The following INTS2 variants were observed in gnomAD, a reference collection of about 807,000 sequenced individuals.
INTS2 encodes integrator complex subunit 2, also known as KIAA1287.
Under a neutral mutation model 139.6 loss-of-function variants are expected in INTS2, and 57 were observed. The observed-to-expected ratio is 0.41, with a 90% CI of 0.33 to 0.51. The LOEUF (loss-of-function observed/expected upper bound fraction) is 0.51. Ranked by LOEUF, INTS2 falls within the 20% of genes least tolerant of loss-of-function variation. INTS2 has a pLI of 0.28. For missense variants in INTS2, 1,196 were observed against 1,436.7 expected, an observed-to-expected ratio of 0.83 and a Z score of 2.71; for synonymous variants, 473 against 493.4, an observed-to-expected ratio of 0.96 and a Z score of 0.55.
Position 61,897,374 on chromosome 17 carries a change from A to C in INTS2, c.1494+95T>G. ...GATAAAACTTCTATTAAACAATTAA[A>C]ATTACTTAAATGAAAACAATCTATT... On this transcript the variant is annotated intron_variant, in intron 11 of 24. Coordinates refer to ENST00000251334, the MANE Select transcript of INTS2 (RefSeq NM_001351695.2). The surrounding 1 kb of genome is among the most constrained non-coding windows in gnomAD (Gnocchi z 4.4). 1.5e-6 allele frequency: 1 copy of C among 688,084 alleles called. No individual in the cohort carries two copies. The highest frequency in any genetic ancestry group is 2.3e-6 in the Non-Finnish European group (1 of 428,742). The allele number at this position is 688,084 out of a possible 1,614,324, so 42.6% of individuals were successfully genotyped here. A position where few individuals can be genotyped will look rare whatever the true frequency, so the allele number is the denominator to read the frequency against.
chr17:61,885,454 G>C (rs1209221356), intron 15 of INTS2, among the ~76,000 whole-genome samples: 1 of 115,358 alleles, frequency 8.7e-6, no homozygotes, highest in African/African-American at 3.8e-5. Flanking sequence ...CACTCTTTTT[G>C]CCCAGGCTAG....
At position 61,926,484 on chromosome 17, in the gene INTS2, T is replaced by C. The variant is rs772572350; in HGVS notation, c.161A>G (p.Gln54Arg). 3.7e-6 allele frequency: 6 copies of C among 1,613,914 alleles called. No individual in the cohort carries two copies. The Admixed American group carries it at 1.0e-4, about 27-fold the overall frequency. The change falls in exon 2 of 25, where the codon CAA (glutamine) becomes CGA (arginine). Residue 54 changes from glutamine (Q) to arginine (R), a missense_variant. Physicochemically the swap from Gln to Arg is conservative, Grantham distance 43. Transcript: ENST00000251334. ...MALCAPADQS[Q>R]SWAQDKKLIL... ...GAGTTTCTTATCCTGAGCCCAGCTTTGGCTCTGGTCAGCAGGTGCACAAAG... is the reference window on the plus strand; with the variant it reads ...GAGTTTCTTATCCTGAGCCCAGCTTCGGCTCTGGTCAGCAGGTGCACAAAG...
At chr17:61,918,977 T>G (rs1163412138) in intron 5 of INTS2, among the ~76,000 whole-genome samples, 1 of 145,296 alleles carries the variant, frequency 6.9e-6, no homozygotes, top group African/African-American at 2.6e-5. Flanking sequence ...CAGGCCGGAG[T>G]GCAGTGGTGC....
intron 15 of INTS2, among the ~76,000 whole-genome samples, chr17:61,885,717 C>CGCCTGT (rs1567895914): frequency 2.0e-4 from 29 of 141,926 alleles, no homozygotes; most frequent in African/African-American, 7.4e-4. Flanking sequence ...TCACTGGGCC[C>CGCCTGT]GGCCAATTTT....
chr17:61,900,856 G>A (rs1270003047), intron 9 of INTS2, among the ~76,000 whole-genome samples: 1 of 152,128 alleles, frequency 6.6e-6, no homozygotes, highest in Admixed American at 6.6e-5. Context: ...TACTCGGGAG[G>A]CTAACACAGG....
At chr17:61,915,297 C>T (rs1296753278) in intron 5 of INTS2, among the ~76,000 whole-genome samples, 1 of 151,696 alleles carries the variant, frequency 6.6e-6, no homozygotes, top group East Asian at 2.0e-4. Flanking sequence ...GAGATCACTC[C>T]ACTGCACTCC....
chr17:61,908,252 T>C (rs1249357154), intron 7 of INTS2, among the ~76,000 whole-genome samples: 1 of 152,022 alleles, frequency 6.6e-6, no homozygotes, highest in Non-Finnish European at 1.5e-5. Context: ...CCATCTCTAC[T>C]AAAAATATAA....
At chr17:61,923,686 G>A (rs59080342) in intron 3 of INTS2, among the ~76,000 whole-genome samples, 2 of 151,794 alleles carry the variant, frequency 1.3e-5, no homozygotes, top group Non-Finnish European at 2.9e-5. Flanking sequence ...TGGTGGTGGT[G>A]GTTGTTGTTT....
chr17:61,883,001 CTG>C lies in INTS2; in HGVS notation c.2090-1832_2090-1831del, dbSNP rs1187849827. ...TAGAAACAGCTTAAAATTGATGTTT[CTG>C]TGTTTGAAAAGACATCGTAACAATC... is the stretch of plus-strand genomic sequence containing the variant. On this transcript the variant is annotated intron_variant, in intron 16 of 24. Transcript: ENST00000251334. Among the ~76,000 whole-genome samples the C allele has an allele frequency of 2.6e-5, 4 of 152,076 alleles. No individual in the cohort carries two copies. The East Asian group carries it at 7.7e-4, about 29-fold the overall frequency.
In INTS2 at chr17:61,907,754, G is replaced by T. The variant is rs772446016; in HGVS notation, c.955-120C>A. ...AATTGGCCTATTTGAAGAGATTGTC[G>T]TGACTACAGAATCTCATTTTAACCA... On this transcript the variant is annotated intron_variant, in intron 7 of 24. Transcript: ENST00000251334. 17 of 709,268 alleles carry T rather than the reference G, an allele frequency of 2.4e-5. No individual in the cohort carries two copies. The East Asian group carries it at 4.3e-4, about 18-fold the overall frequency. 43.9% of individuals were successfully genotyped at this position (709,268 alleles called of 1,614,324 possible).
At chr17:61,889,373 C>T (rs948591230) in intron 15 of INTS2, among the ~76,000 whole-genome samples, 2 of 152,180 alleles carry the variant, frequency 1.3e-5, no homozygotes, top group Non-Finnish European at 2.9e-5. Flanking sequence ...AGGCGTAAGC[C>T]ACCTCGACTG....
At chr17:61,908,575 T>TATGAAAGC (rs1325048382) in intron 7 of INTS2, among the ~76,000 whole-genome samples, 3 of 152,210 alleles carry the variant, frequency 2.0e-5, no homozygotes, top group African/African-American at 4.8e-5. Context: ...ATAATACATG[T>TATGAAAGC]ATGAAAGCAG....
Position 61,897,587 on chromosome 17 carries a change from T to A in INTS2, c.1380-4A>T. 1.3e-6 allele frequency: 2 copies of A among 1,594,668 alleles called. No homozygotes were observed. The highest frequency in any genetic ancestry group is 1.7e-6 in the Non-Finnish European group (2 of 1,169,242). ...AGAAGCAGAGACGCCTGAAGTACTG[T>A]CAAAACAAAATAGGAAATATGAATT... On this transcript the variant is annotated splice_region_variant and splice_polypyrimidine_tract_variant and intron_variant, in intron 10 of 24. Transcript: ENST00000251334. This position sits in a 1 kb window ranked among gnomAD's most constrained non-coding sequence, Gnocchi z 4.4.
At chr17:61,920,212 G>A (rs920631102) in intron 4 of INTS2, among the ~76,000 whole-genome samples, 24 of 125,548 alleles carry the variant, frequency 1.9e-4, no homozygotes, top group Admixed American at 6.4e-4. Flanking sequence ...ACGAAGTCTC[G>A]CTTTTGTCCC....
chr17:61,912,151 G>C lies in INTS2; in HGVS notation c.650-81C>G. On this transcript the variant is annotated intron_variant, in intron 5 of 24. Transcript: ENST00000251334. Reference sequence around the variant, plus strand: ...TTCACATGACAGAAGAAAAGGATCAGGGTATTTGAAAGCACAACAACAGAA... The same window carrying C: ...TTCACATGACAGAAGAAAAGGATCACGGTATTTGAAAGCACAACAACAGAA... The C allele has an allele frequency of 2.1e-6, 3 of 1,450,782 alleles. No homozygotes were observed. In the South Asian group the frequency reaches 3.9e-5, roughly 19 times the overall value. 89.9% of individuals were successfully genotyped at this position (1,450,782 alleles called of 1,614,324 possible). A position where few individuals can be genotyped will look rare whatever the true frequency, so the allele number is the denominator to read the frequency against.
In INTS2 at chr17:61,867,971, T is replaced by C. The variant is rs758271364; in HGVS notation, c.3283A>G (p.Thr1095Ala). Residue 1095 changes from threonine (T) to alanine (A), a missense_variant, in exon 24 of 25, where the codon ACT (threonine) becomes GCT (alanine). Physicochemically the swap from Thr to Ala is moderately conservative, Grantham distance 58 (BLOSUM62 0). Around this residue, in one of 3 missense-constraint regions of INTS2, gnomAD observed 1,129 missense variants for 1,341.9 expected, o/e 0.84. Coordinates refer to ENST00000251334, the MANE Select transcript of INTS2 (RefSeq NM_001351695.2). The surrounding 1 kb of genome is among the most constrained non-coding windows in gnomAD (Gnocchi z 5.6). ...QAKRYAFFMP[T>A]LPSLVSFCRA... ...CAAAAAGAGACCAAACTTGGCAGAG[T>C]TGGCATAAAAAAAGCATACCGCTTA... 2.5e-6 allele frequency: 4 copies of C among 1,606,236 alleles called. No individual in the cohort carries two copies. The highest frequency in any genetic ancestry group is 3.4e-6 in the Non-Finnish European group (4 of 1,177,868).
chr17:61,891,471 A>G, intron 14 of INTS2, 42 bp downstream of exon 14: 1 of 1,455,378 alleles, frequency 6.9e-7, no homozygotes, highest in Non-Finnish European at 9.5e-7. Flanking sequence ...GAAGAACTAA[A>G]AGAAAAATAA....
Position 61,897,290 on chromosome 17 carries a change from A to G in INTS2, c.1494+179T>C, listed in dbSNP as rs11658522. Among the ~76,000 whole-genome samples, 24,622 of 152,108 alleles carry G rather than the reference A, an allele frequency of 0.16. 2,112 individuals are homozygous for G. Among genetic ancestry groups the G allele is most frequent in the Middle Eastern group, 0.32 (93 of 294 alleles). On this transcript the variant is annotated intron_variant, in intron 11 of 24. Coordinates refer to ENST00000251334, the MANE Select transcript of INTS2 (RefSeq NM_001351695.2). The surrounding 1 kb of genome is among the most constrained non-coding windows in gnomAD (Gnocchi z 4.4). ...TTTCTGTGCTTTCCAAGGTTTTTGC[A>G]TGAGTATCTATTATTTTAGTAAATA...
At chr17:61,919,746 T>G (rs1008179858) in intron 4 of INTS2, among the ~76,000 whole-genome samples, 3 of 152,056 alleles carry the variant, frequency 2.0e-5, no homozygotes, top group Non-Finnish European at 4.4e-5. Context: ...TTTTCTTCTT[T>G]AAGACAGGGT....
Sources: gnomAD v4.1 joint callset for allele counts (sites outside exome capture counted in the v4.1 genomes callset) on GRCh38, gnomAD v4.1.1 for gene constraint, gnomAD v4.1.1 regional missense constraint, Gnocchi (gnomAD v3.1) non-coding constraint, MANE v1.5 for transcripts, NCBI Gene and HGNC (gene_info 2026-07-23, HGNC 2026-07-21) for gene names.